Variants in DIS3 observed in about 807,000 individuals in gnomAD.
DIS3 encodes exosome complex exonuclease RRP44.
A neutral mutation model predicts 113.0 loss-of-function variants in DIS3; 103 were observed. The ratio of observed to expected loss-of-function variants is 0.91; its 90% CI spans 0.78 to 1.07. DIS3 has a LOEUF of 1.07. Ranked by LOEUF, DIS3 falls within the 50% of genes least tolerant of loss-of-function variation. The probability of loss-of-function intolerance (pLI) is 0.00; values close to 1 mark genes in which losing one functional copy is unlikely to be tolerated. For missense variants in DIS3, 1,121 were observed against 1,167.1 expected (o/e 0.96, Z 0.58); for synonymous variants, 402 against 394.3 (o/e 1.02, Z -0.23).
rs750328292 is a variant in DIS3, at chr13:72,772,768, G to A, written c.1311C>T (p.His437=). The A allele has an allele frequency of 9.9e-6, 16 of 1,613,332 alleles. No homozygotes were observed. The highest frequency in any genetic ancestry group is 6.7e-5 in the East Asian group (3 of 44,796). The change falls in exon 9 of 21, where the codon CAC becomes CAT. Residue 437 remains histidine, a synonymous_variant. Coordinates refer to ENST00000377767, the MANE Select transcript of DIS3 (RefSeq NM_014953.5). The part of the protein sequence containing the change: ...ETETEVLLLE[H]DVPHQPFSQA... ...GTGAAAAAGGCTGATGGGGAACATCGTGTTCAAGTAACAAAACTTCTGTTT... is the reference window on the plus strand; with the variant it reads ...GTGAAAAAGGCTGATGGGGAACATCATGTTCAAGTAACAAAACTTCTGTTT...
chr13:72,775,946 G>T lies in DIS3; in HGVS notation c.801C>A (p.Gly267=), dbSNP rs193258322. The change falls in exon 5 of 21, where the codon GGC becomes GGA. Residue 267 remains glycine, a synonymous_variant. Transcript: ENST00000377767. ...TTGCCTCTTTATTTTCTTCATTGTC[G>T]CCATGAATCCATACTGTAGCTTCCA... ...NYLEATVWIH[G]DNEENKEIIL... The T allele has an allele frequency of 3.1e-6, 5 of 1,602,102 alleles. No homozygotes were observed. Among genetic ancestry groups the T allele is most frequent in the Non-Finnish European group, 4.2e-6 (5 of 1,176,612 alleles).
chr13:72,771,017 AATGGGAATCAGGTTAAAGTAG>A (rs1237357104), intron 12 of DIS3, 29 bp from the exon 13 acceptor site: 2 of 1,607,578 alleles, frequency 1.2e-6, no homozygotes. Context: ...AGTATTTGTT[AATGGGAATCAGGTTAAAGTAG>A]TAAATACAAT....
Position 72,763,545 on chromosome 13 carries a change from A to G in DIS3, c.2033T>C (p.Ile678Thr), listed in dbSNP as rs778841977. Reference protein sequence around the residue: ...LLANISVAKKIHEEFSEHALL... With the variant: ...LLANISVAKKTHEEFSEHALL... The stretch of plus-strand genomic sequence containing the variant: ...AGCATGTTCAGAAAATTCCTCATGA[A>G]TTTTTTTTGCAACAGAAATATTGGC... The change falls in exon 16 of 21, where the codon ATT becomes ACT. Residue 678 changes from isoleucine (I) to threonine (T), a missense_variant. Ile to Thr is a moderately conservative substitution (Grantham distance 89). Around this residue, in one of 3 missense-constraint regions of DIS3, gnomAD observed 861 missense variants for 915.5 expected, o/e 0.94. Transcript: ENST00000377767. The G allele has an allele frequency of 5.6e-6, 9 of 1,613,042 alleles. No individual in the cohort carries two copies. Among genetic ancestry groups the G allele is most frequent in the Non-Finnish European group, 7.6e-6 (9 of 1,179,606 alleles).
In DIS3 at chr13:72,755,182, A is replaced by G. The variant is rs1484600793; in HGVS notation, c.*4613T>C. ...CACACAACACAGAGGTGTTGGATGA[A>G]AACAGCAAGCCCTTTTCAATGCAGC... On this transcript the variant is annotated 3_prime_UTR_variant, in exon 21 of 21. Coordinates refer to ENST00000377767, the MANE Select transcript of DIS3 (RefSeq NM_014953.5). 14 of 1,613,870 alleles carry G rather than the reference A, an allele frequency of 8.7e-6. No homozygotes were observed. In the African/African-American group the frequency reaches 1.1e-4, roughly 12 times the overall value.
At position 72,763,615 on chromosome 13, in the gene DIS3, T is replaced by C. The variant is rs756670409; in HGVS notation, c.1971-8A>G. 3.3e-5 allele frequency: 53 copies of C among 1,607,652 alleles called. No individual in the cohort carries two copies. In the Middle Eastern group the frequency reaches 1.2e-3, roughly 36 times the overall value. The stretch of plus-strand genomic sequence containing the variant: ...ACCATGGAATTTGTTTCCCTGCCAA[T>C]GGAAAAAGCATTAAACAAACAAAAA... On this transcript the variant is annotated splice_polypyrimidine_tract_variant and splice_region_variant and intron_variant, in intron 15 of 20. Coordinates refer to ENST00000377767, the MANE Select transcript of DIS3 (RefSeq NM_014953.5).
rs531119727 is a variant in DIS3 at position 72,754,314 on chromosome 13, C to CTT, written c.*5479_*5480dup. 4.1e-4 allele frequency: 58 copies of CTT among 141,048 alleles called. No individual in the cohort carries two copies. The highest frequency in any genetic ancestry group is 1.7e-3 in the Admixed American group (23 of 13,780). The allele number at this position is 141,048 out of a possible 1,614,324, so 8.7% of individuals were successfully genotyped here. On this transcript the variant is annotated 3_prime_UTR_variant, in exon 21 of 21. Coordinates refer to ENST00000377767, the MANE Select transcript of DIS3 (RefSeq NM_014953.5). ...GCCTTGTATGCCGTTTCTTTTTTTT[C>CTT]TTTTTTTTTTTTTTTGAGACAGGGT...
At chr13:72,765,872 A>G in intron 15 of DIS3, 100 bp downstream of exon 15, 5 of 795,882 alleles carry the variant, frequency 6.3e-6, no homozygotes, top group Non-Finnish European at 9.1e-6. Flanking sequence ...GACCCTAATC[A>G]TTATTTTGTA....
At position 72,771,257 on chromosome 13, in the gene DIS3, T is replaced by A. The variant is rs550644916; in HGVS notation, c.1606-112A>T. The A allele has an allele frequency of 3.2e-4, 268 of 843,034 alleles. 1 individual carries two copies. In the African/African-American group the frequency reaches 4.3e-3, roughly 13 times the overall value. The allele number at this position is 843,034 out of a possible 1,614,324, so 52.2% of individuals were successfully genotyped here. On this transcript the variant is annotated intron_variant, in intron 11 of 20. Transcript: ENST00000377767. ...ACAAGGAAAGAAAAGAGTGTTCTGCTTTTTGTAAATAGGAGAATTGAGAAA... is the reference window on the plus strand; with the variant it reads ...ACAAGGAAAGAAAAGAGTGTTCTGCATTTTGTAAATAGGAGAATTGAGAAA...
In DIS3 at chr13:72,761,430, C is replaced by T; in HGVS notation, c.2603G>A (p.Gly868Asp). The T allele has an allele frequency of 6.2e-7, 1 of 1,612,044 alleles. No individual in the cohort carries two copies. The highest frequency in any genetic ancestry group is 8.5e-7 in the Non-Finnish European group (1 of 1,179,494). Reference sequence around the variant, plus strand: ...TTCAAAAAAGACTGTCCCTTCTAAACCATACTTTGGAATTAATACCACAAT... The same window carrying T: ...TTCAAAAAAGACTGTCCCTTCTAAATCATACTTTGGAATTAATACCACAAT... ...NAIVVLIPKY[G>D]LEGTVFFEEK... The change falls in exon 19 of 21, where the codon GGT (glycine) becomes GAT (aspartate). Residue 868 changes from glycine to aspartate, a missense_variant. This residue lies in a region of DIS3 where 861 missense variants were observed against 915.5 expected (regional missense o/e 0.94). Transcript: ENST00000377767.
At position 72,779,488 on chromosome 13, in the gene DIS3, T is replaced by C. The variant is rs979494585; in HGVS notation, c.387-1108A>G. Among the ~76,000 whole-genome samples the C allele has an allele frequency of 2.0e-5, 3 of 150,868 alleles. No individual in the cohort carries two copies. In the East Asian group the frequency reaches 6.0e-4, roughly 30 times the overall value. On this transcript the variant is annotated intron_variant, in intron 2 of 20. Coordinates refer to ENST00000377767, the MANE Select transcript of DIS3 (RefSeq NM_014953.5). ...TGAATTGGTTTTAAACTTGGGTCTTTCTGCACTGAAAAACAAGTGATGTTG... is the reference window on the plus strand; with the variant it reads ...TGAATTGGTTTTAAACTTGGGTCTTCCTGCACTGAAAAACAAGTGATGTTG...
intron 1 of DIS3, 138 bp downstream of exon 1, chr13:72,781,467 A>G: frequency 6.9e-7 from 1 of 1,447,632 alleles, no homozygotes; most frequent in Middle Eastern, 2.1e-4. Context: ...GGGAACAGGA[A>G]GCTTCGGTCC....
At position 72,757,765 on chromosome 13, in the gene DIS3, T is replaced by G. The variant is rs1173302880; in HGVS notation, c.*2030A>C. 2.5e-5 allele frequency: 5 copies of G among 196,118 alleles called. No individual in the cohort carries two copies. Among genetic ancestry groups the G allele is most frequent in the African/African-American group, 1.2e-4 (5 of 43,200 alleles). 12.1% of individuals were successfully genotyped at this position (196,118 alleles called of 1,614,324 possible). A position where few individuals can be genotyped will look rare whatever the true frequency, so the allele number is the denominator to read the frequency against. ...AAATGGTTGGCGGGGGTGGGGGAAA[T>G]CAAATGAGTAATGTTTTGTGACACA... On this transcript the variant is annotated 3_prime_UTR_variant, in exon 21 of 21. Coordinates refer to ENST00000377767, the MANE Select transcript of DIS3 (RefSeq NM_014953.5).
At chr13:72,777,609 T>C in intron 3 of DIS3, 116 bp from the exon 4 acceptor site, 1 of 844,472 alleles carries the variant, frequency 1.2e-6, no homozygotes, top group South Asian at 1.5e-5. Context: ...TGAGACACAC[T>C]GAGAGTCTCA....
At position 72,770,656 on chromosome 13, in the gene DIS3, C is replaced by A. The variant is rs372444660; in HGVS notation, c.1755+248G>T. On this transcript the variant is annotated intron_variant, in intron 13 of 20. Coordinates refer to ENST00000377767, the MANE Select transcript of DIS3 (RefSeq NM_014953.5). ...TTAAGTGCATCTGTACATGTTTAAGCACGTGCCCGCAGCTGGGGACTTTTT... is the reference window on the plus strand; with the variant it reads ...TTAAGTGCATCTGTACATGTTTAAGAACGTGCCCGCAGCTGGGGACTTTTT... Among the ~76,000 whole-genome samples the A allele has an allele frequency of 9.3e-4, 141 of 152,248 alleles. No individual in the cohort carries two copies. In the Middle Eastern group the frequency reaches 0.02, roughly 22 times the overall value.
intron 13 of DIS3, among the ~76,000 whole-genome samples, chr13:72,769,903 G>C (rs978304289): frequency 6.6e-5 from 10 of 152,128 alleles, no homozygotes; most frequent in African/African-American, 2.4e-4. Context: ...GGCAAATCTT[G>C]AAGAAAGATG....
chr13:72,778,442 C>G (rs578212419), intron 2 of DIS3, 62 bp from the exon 3 acceptor site: 17 of 1,377,532 alleles, frequency 1.2e-5, no homozygotes, highest in Admixed American at 2.1e-5. Context: ...TGTGAAAACT[C>G]TTAGCACATA....
chr13:72,776,218 A>G, intron 4 of DIS3, 126 bp from the exon 5 acceptor site: 2 of 881,748 alleles, frequency 2.3e-6, no homozygotes, highest in Non-Finnish European at 3.2e-6. Context: ...AATAGGAGAG[A>G]AGATAGCAGT....
chr13:72,771,690 G>C, intron 11 of DIS3, 105 bp downstream of exon 11: 1 of 1,106,318 alleles, frequency 9.0e-7, no homozygotes, highest in East Asian at 2.4e-5. Flanking sequence ...TATATTTAGT[G>C]ATTTAAAGCC....
chr13:72,765,645 C>T lies in DIS3; in HGVS notation c.1970+327G>A, dbSNP rs1052556407. 6.6e-5 allele frequency among the ~76,000 whole-genome samples: 10 copies of T among 152,282 alleles called. No homozygotes were observed. In the East Asian group the frequency reaches 1.9e-3, roughly 29 times the overall value. ...CTCACAGCCCAGGGGCTGGGAACCC[C>T]TGCACTACAGTATATTCTACTTTAG... On this transcript the variant is annotated intron_variant, in intron 15 of 20. Transcript: ENST00000377767.
Sources: allele counts gnomAD v4.1 joint callset (sites outside exome capture counted in the v4.1 genomes callset), GRCh38; gene constraint gnomAD v4.1.1; regional missense constraint gnomAD v4.1.1; transcripts MANE v1.5; gene names NCBI Gene and HGNC (gene_info 2026-07-23, HGNC 2026-07-21).